RNF150: variants seen among roughly 807,000 people sequenced by gnomAD.
The protein encoded by RNF150 is ring finger protein 150.
RNF150 carries 24 observed loss-of-function variants against 39.3 expected under a neutral mutation model. The ratio of observed to expected loss-of-function variants is 0.61; its 90% CI spans 0.44 to 0.86. The LOEUF is 0.86. Ranked by LOEUF, RNF150 falls within the 40% of genes least tolerant of loss-of-function variation. The pLI, the probability that RNF150 is intolerant of heterozygous loss-of-function variation, is 0.00. For synonymous variants in RNF150, 255 were observed against 227.3 expected, an observed-to-expected ratio of 1.12 and a Z score of -1.10; for missense variants, 502 against 587.8, an observed-to-expected ratio of 0.85 and a Z score of 1.51.
intron 1 of RNF150, among the ~76,000 whole-genome samples, chr4:141,005,411 G>A (rs55701930): frequency 0.076 from 11,538 of 152,140 alleles, 490 homozygotes; most frequent in Middle Eastern, 0.16. Context: ...TTCCATATTC[G>A]GTGTTAAGCA....
At chr4:141,157,835 G>A (rs2111152554) in intron 1 of RNF150, among the ~76,000 whole-genome samples, 1 of 152,308 alleles carries the variant, frequency 6.6e-6, no homozygotes, top group East Asian at 1.9e-4. Context: ...AAAAGACCAA[G>A]GCTCAGGCAA....
chr4:140,864,191 T>A lies in RNF150; in HGVS notation c.*4070A>T, dbSNP rs1728612119. 1 of 152,264 alleles carries A rather than the reference T, an allele frequency of 6.6e-6. No individual in the cohort carries two copies. The highest frequency in any genetic ancestry group is 2.4e-5 in the African/African-American group (1 of 41,466). 9.4% of individuals were successfully genotyped at this position (152,264 alleles called of 1,614,324 possible). ...CATGATTCTGATCATTACCATGTGATGTCAAAAATGGGTAGGTACCTTTGC... is the reference window on the plus strand; with the variant it reads ...CATGATTCTGATCATTACCATGTGAAGTCAAAAATGGGTAGGTACCTTTGC... On this transcript the variant is annotated 3_prime_UTR_variant, in exon 7 of 7. Coordinates refer to ENST00000515673, the MANE Select transcript of RNF150 (RefSeq NM_020724.2).
chr4:141,024,285 C>A (rs1198801854), intron 1 of RNF150, among the ~76,000 whole-genome samples: 1 of 152,138 alleles, frequency 6.6e-6, no homozygotes, highest in Admixed American at 6.6e-5. Context: ...ATAAGGGTGA[C>A]TGTCTTAGCT....
rs534059519 is a variant in RNF150 at position 140,925,945 on chromosome 4, C to T, written c.987+32G>A. 9.6e-6 allele frequency: 14 copies of T among 1,451,798 alleles called. No homozygotes were observed. The South Asian group carries it at 1.0e-4, about 11-fold the overall frequency. The allele number at this position is 1,451,798 out of a possible 1,614,324, so 89.9% of individuals were successfully genotyped here. A position where few individuals can be genotyped will look rare whatever the true frequency, so the allele number is the denominator to read the frequency against. On this transcript the variant is annotated intron_variant, in intron 5 of 6. Coordinates refer to ENST00000515673, the MANE Select transcript of RNF150 (RefSeq NM_020724.2). The stretch of plus-strand genomic sequence containing the variant: ...TTTGAGGGCAACGCAGAAAGACAGA[C>T]ATTATAATGCTGTAGGCTGTGCTGT...
At chr4:140,886,008 G>A (rs950913460) in intron 6 of RNF150, among the ~76,000 whole-genome samples, 1 of 152,002 alleles carries the variant, frequency 6.6e-6, no homozygotes, top group African/African-American at 2.4e-5. Context: ...GGCTAACATA[G>A]TGAAACCCTG....
chr4:140,929,556 C>T (rs1232163161), intron 4 of RNF150, among the ~76,000 whole-genome samples: 3 of 151,696 alleles, frequency 2.0e-5, no homozygotes, highest in Admixed American at 6.6e-5. Context: ...TTAGTAGAGA[C>T]GGGGTTTCAT....
intron 1 of RNF150, among the ~76,000 whole-genome samples, chr4:141,198,610 G>A (rs1389665962): frequency 3.9e-5 from 6 of 152,214 alleles, no homozygotes; most frequent in South Asian, 4.1e-4. Flanking sequence ...TTAATGGTAC[G>A]TCCAGAGGAC....
chr4:140,916,483 G>T (rs1466871164), intron 5 of RNF150, among the ~76,000 whole-genome samples: 2 of 152,270 alleles, frequency 1.3e-5, no homozygotes, highest in East Asian at 1.9e-4. Flanking sequence ...AGCATGAAGA[G>T]AAGTTTAGAG....
At chr4:141,021,718 T>C (rs1273231463) in intron 1 of RNF150, among the ~76,000 whole-genome samples, 1 of 152,186 alleles carries the variant, frequency 6.6e-6, no homozygotes, top group Non-Finnish European at 1.5e-5. Flanking sequence ...ATTTGGTCTG[T>C]ATGCCTGTCT....
At chr4:141,138,761 G>A (rs148143685) in intron 1 of RNF150, among the ~76,000 whole-genome samples, 19 of 152,306 alleles carry the variant, frequency 1.2e-4, no homozygotes, top group African/African-American at 4.6e-4. Context: ...TCTCTTCAAA[G>A]TGGAGTGATT....
intron 1 of RNF150, among the ~76,000 whole-genome samples, chr4:140,998,315 G>A (rs1169479294): frequency 6.6e-6 from 1 of 151,894 alleles, no homozygotes; most frequent in African/African-American, 2.4e-5. Context: ...ATAAGGGTGA[G>A]GCCCTAATCC....
At chr4:140,887,128 A>G (rs888731081) in intron 6 of RNF150, among the ~76,000 whole-genome samples, 3 of 152,226 alleles carry the variant, frequency 2.0e-5, no homozygotes, top group Non-Finnish European at 4.4e-5. Flanking sequence ...GGTGGTATTC[A>G]GATTGCAGAA....
chr4:141,039,590 T>C (rs1736280712), intron 1 of RNF150, among the ~76,000 whole-genome samples: 1 of 152,060 alleles, frequency 6.6e-6, no homozygotes, highest in Admixed American at 6.6e-5. Context: ...ATTCCTAAAA[T>C]CTGCACGTGC....
intron 2 of RNF150, among the ~76,000 whole-genome samples, chr4:140,959,548 C>A (rs1732928725): frequency 6.6e-6 from 1 of 152,106 alleles, no homozygotes; most frequent in Non-Finnish European, 1.5e-5. Context: ...GGCCATCTGA[C>A]AGACCAAGGT....
chr4:140,984,481 G>A lies in RNF150; in HGVS notation c.485-16608C>T, dbSNP rs566051458. Among the ~76,000 whole-genome samples the A allele has an allele frequency of 4.6e-5, 7 of 152,250 alleles. No individual in the cohort carries two copies. The South Asian group carries it at 1.4e-3, about 32-fold the overall frequency. ...TAGGAAGATCTCAAGTCTAGGATGG[G>A]AAGAAGGGTTCGGCAACTGAGTTTG... On this transcript the variant is annotated intron_variant, in intron 1 of 6. Transcript: ENST00000515673.
intron 1 of RNF150, among the ~76,000 whole-genome samples, chr4:141,050,520 C>A (rs4499772): frequency 6.6e-6 from 1 of 152,172 alleles, no homozygotes; most frequent in Non-Finnish European, 1.5e-5. Flanking sequence ...AATGGGGGTA[C>A]AGGCATTGCC....
At chr4:141,065,555 A>AT (rs11380036) in intron 1 of RNF150, among the ~76,000 whole-genome samples, 119,123 of 150,506 alleles carry the variant, frequency 0.79, 47,935 homozygotes, top group Non-Finnish European at 0.87. Flanking sequence ...TTTATTTGTA[A>AT]TTTTTTTTTT....
intron 1 of RNF150, among the ~76,000 whole-genome samples, chr4:141,143,956 C>G (rs552821565): frequency 7.8e-4 from 118 of 152,234 alleles, no homozygotes; most frequent in African/African-American, 2.7e-3. Context: ...TCTCATAGAG[C>G]TTTTAATAAC....
chr4:141,078,142 C>A (rs1022397121), intron 1 of RNF150, among the ~76,000 whole-genome samples: 2 of 152,048 alleles, frequency 1.3e-5, no homozygotes, highest in East Asian at 3.9e-4. Flanking sequence ...TAAATTAATT[C>A]TCTGGGAATT....
Sources: gnomAD v4.1 joint callset for allele counts (sites outside exome capture counted in the v4.1 genomes callset) on GRCh38, gnomAD v4.1.1 for gene constraint, MANE v1.5 for transcripts, NCBI Gene and HGNC (gene_info 2026-07-23, HGNC 2026-07-21) for gene names.